STPG2: variants seen among roughly 807,000 people sequenced by gnomAD.
STPG2 encodes sperm tail PG-rich repeat containing 2.
STPG2 carries 56 observed loss-of-function variants against 54.2 expected under a neutral mutation model. The ratio of observed to expected loss-of-function variants is 1.03; its 90% CI spans 0.83 to 1.29. The LOEUF (loss-of-function observed/expected upper bound fraction) is 1.29. Among genes scored for constraint, STPG2 ranks in the 50% most tolerant of loss-of-function variants. The pLI is 0.00. For missense variants in STPG2, 596 were observed against 544.9 expected, an observed-to-expected ratio of 1.09 and a Z score of -0.93; for synonymous variants, 200 against 181.8, an observed-to-expected ratio of 1.10 and a Z score of -0.81.
intron 10 of STPG2, among the ~76,000 whole-genome samples, chr4:97,651,628 T>C (rs913497253): frequency 6.6e-6 from 1 of 152,040 alleles, no homozygotes; most frequent in South Asian, 2.1e-4. Context: ...AAGTTCTTTA[T>C]TTTCCAACTA....
intron 5 of STPG2, among the ~76,000 whole-genome samples, chr4:97,987,771 C>T (rs1734873027): frequency 6.6e-6 from 1 of 151,842 alleles, no homozygotes; most frequent in East Asian, 1.9e-4. Context: ...TATAATATTT[C>T]CAAATCCAAC....
intron 7 of STPG2, among the ~76,000 whole-genome samples, chr4:97,956,281 T>TA (rs1462320658): frequency 6.6e-5 from 10 of 151,916 alleles, no homozygotes; most frequent in South Asian, 2.1e-4. Flanking sequence ...AAAAGAATAG[T>TA]AAAAAAACTA....
chr4:97,742,553 GTGTGTGTGTGTGTC>G (rs1440883864), intron 9 of STPG2, among the ~76,000 whole-genome samples: 54 of 134,862 alleles, frequency 4.0e-4, no homozygotes, highest in African/African-American at 8.0e-4. Context: ...GTGTGTGTGT[GTGTGTGTGTGTGTC>G]TATATATATA....
intron 10 of STPG2, among the ~76,000 whole-genome samples, chr4:97,627,009 ATT>A (rs1366379315): frequency 6.6e-6 from 1 of 151,928 alleles, no homozygotes; most frequent in Non-Finnish European, 1.5e-5. Context: ...CATTTTATTA[ATT>A]TTCTATGTTC....
At chr4:97,544,964 T>C (rs1483181034) in intron 4 of STPG2, among the ~76,000 whole-genome samples, 1 of 152,090 alleles carries the variant, frequency 6.6e-6, no homozygotes. Context: ...GATTGTTTTC[T>C]TACACTGTAG....
At chr4:98,018,938 G>A (rs1466635756) in intron 5 of STPG2, among the ~76,000 whole-genome samples, 1 of 151,712 alleles carries the variant, frequency 6.6e-6, no homozygotes, top group African/African-American at 2.4e-5. Flanking sequence ...AGATGAGTAG[G>A]TTGCGAAAAT....
At chr4:97,903,947 C>A (rs929389308) in intron 8 of STPG2, among the ~76,000 whole-genome samples, 2 of 152,202 alleles carry the variant, frequency 1.3e-5, no homozygotes, top group Admixed American at 1.3e-4. Context: ...TCAGAGAGTC[C>A]TACGCCCACA....
At chr4:97,909,698 A>G (rs1399916989) in intron 8 of STPG2, among the ~76,000 whole-genome samples, 2 of 152,242 alleles carry the variant, frequency 1.3e-5, no homozygotes, top group Non-Finnish European at 2.9e-5. Context: ...TTAAAAAATC[A>G]TAAGTAACCC....
chr4:97,518,324 T>C (rs1223331372), intron 4 of STPG2, among the ~76,000 whole-genome samples: 2 of 152,006 alleles, frequency 1.3e-5, no homozygotes, highest in Non-Finnish European at 2.9e-5. Context: ...ATAAAAACTA[T>C]CTGCTGAGAA....
chr4:97,483,482 C>A (rs971630237), intron 4 of STPG2, among the ~76,000 whole-genome samples: 1 of 151,776 alleles, frequency 6.6e-6, no homozygotes, highest in South Asian at 2.1e-4. Flanking sequence ...TAAAGAGGGA[C>A]ATTATATAAT....
chr4:97,791,162 T>C (rs533159881), intron 9 of STPG2, among the ~76,000 whole-genome samples: 134 of 152,166 alleles, frequency 8.8e-4, no homozygotes, highest in Non-Finnish European at 1.6e-3. Flanking sequence ...TGAGAGCTTT[T>C]TGGAAAAGGT....
At chr4:97,779,137 G>C (rs1464270259) in intron 9 of STPG2, among the ~76,000 whole-genome samples, 1 of 152,084 alleles carries the variant, frequency 6.6e-6, no homozygotes, top group African/African-American at 2.4e-5. Context: ...CTTCTCCGAG[G>C]TAAAGGAAGA....
At chr4:97,924,244 G>A (rs530844890) in intron 8 of STPG2, among the ~76,000 whole-genome samples, 1 of 152,100 alleles carries the variant, frequency 6.6e-6, no homozygotes, top group Non-Finnish European at 1.5e-5. Context: ...TCACCGCGAG[G>A]GTCCGCGGCT....
intron 5 of STPG2, among the ~76,000 whole-genome samples, chr4:98,091,943 A>T (rs999054058): frequency 6.6e-6 from 1 of 152,026 alleles, no homozygotes; most frequent in African/African-American, 2.4e-5. Flanking sequence ...CAAAGTCTGA[A>T]TTCTTTACCA....
chr4:97,561,474 G>A (rs1055191953), intron 10 of STPG2, among the ~76,000 whole-genome samples: 1 of 152,102 alleles, frequency 6.6e-6, no homozygotes, highest in African/African-American at 2.4e-5. Flanking sequence ...TGACAATTTT[G>A]GCTTTTGTTG....
chr4:98,134,362 A>T lies in STPG2; in HGVS notation c.207T>A (p.Asn69Lys). Reference protein sequence around the residue: ...EKAVPGPGHYNVSEAQKISRS... With the variant: ...EKAVPGPGHYKVSEAQKISRS... The stretch of plus-strand genomic sequence containing the variant: ...ATAAAGTTACCTGTGCTTCTGAAAC[A>T]TTATAGTGTCCTGGACCTGGAACAG... The change falls in exon 2 of 11, where the codon AAT (asparagine) becomes AAA (lysine). Residue 69 changes from asparagine to lysine, a missense_variant. Asn to Lys is a moderately conservative substitution (Grantham distance 94, BLOSUM62 0). Transcript: ENST00000295268. 1 of 1,556,218 alleles carries T rather than the reference A, an allele frequency of 6.4e-7. No homozygotes were observed. The highest frequency in any genetic ancestry group is 8.7e-7 in the Non-Finnish European group (1 of 1,148,366).
intron 8 of STPG2, among the ~76,000 whole-genome samples, chr4:97,896,425 G>C (rs982845115): frequency 3.3e-5 from 5 of 151,728 alleles, no homozygotes; most frequent in African/African-American, 1.2e-4. Context: ...CAAGTAAACA[G>C]TGTCAAAAGT....
rs1388665214 is a variant in STPG2 at position 97,859,917 on chromosome 4, A to G, written c.1045-18985T>C. Among the ~76,000 whole-genome samples the G allele has an allele frequency of 2.0e-5, 3 of 152,328 alleles. No homozygotes were observed. In the East Asian group the frequency reaches 5.8e-4, roughly 29 times the overall value. Reference sequence around the variant, plus strand: ...TATTTTTGTATAAGGTAAGAGATGAAGATCCAGTTTCACTCTTCTACATAT... The same window carrying G: ...TATTTTTGTATAAGGTAAGAGATGAGGATCCAGTTTCACTCTTCTACATAT... On this transcript the variant is annotated intron_variant, in intron 8 of 10. Transcript: ENST00000295268.
At chr4:97,810,508 G>GA (rs1467893860) in intron 9 of STPG2, among the ~76,000 whole-genome samples, 1 of 151,470 alleles carries the variant, frequency 6.6e-6, no homozygotes, top group Non-Finnish European at 1.5e-5. Context: ...TAAAAATTGG[G>GA]AAAAAATTAT....
Sources: gnomAD v4.1 joint callset for allele counts (sites outside exome capture counted in the v4.1 genomes callset) on GRCh38, gnomAD v4.1.1 for gene constraint, MANE v1.5 for transcripts, NCBI Gene and HGNC (gene_info 2026-07-23, HGNC 2026-07-21) for gene names.